The following LNX2 variants were observed in gnomAD, a reference collection of about 807,000 sequenced individuals.
The protein encoded by LNX2 is ligand of numb-protein X 2.
A neutral mutation model predicts 66.2 loss-of-function variants in LNX2; 35 were observed. The observed-to-expected ratio is 0.53, with a 90% confidence interval of 0.40 to 0.70. The LOEUF (loss-of-function observed/expected upper bound fraction) is 0.70. Among genes scored for constraint, LNX2 ranks in the 30% least tolerant of loss-of-function variants. The pLI is 0.00. For missense variants in LNX2, 791 were observed against 850.8 expected (o/e 0.93, Z 0.87); for synonymous variants, 337 against 315.6 (o/e 1.07, Z -0.72).
At chr13:27,594,374 C>T (rs965766323) in intron 1 of LNX2, among the ~76,000 whole-genome samples, 1 of 152,108 alleles carries the variant, frequency 6.6e-6, no homozygotes, top group African/African-American at 2.4e-5. Context: ...AATCACCTCT[C>T]CCAAGCCTCC....
intron 2 of LNX2, among the ~76,000 whole-genome samples, chr13:27,573,102 C>A (rs563598285): frequency 6.6e-6 from 1 of 152,284 alleles, no homozygotes; most frequent in South Asian, 2.1e-4. Flanking sequence ...AAATGGCTGA[C>A]TCTCAGTAAG....
intron 2 of LNX2, among the ~76,000 whole-genome samples, chr13:27,578,173 T>C (rs1955360461): frequency 6.6e-6 from 1 of 152,228 alleles, no homozygotes; most frequent in Non-Finnish European, 1.5e-5. Flanking sequence ...GAAGGTGATC[T>C]TAAATGTGAA....
chr13:27,594,911 G>A (rs1276514875), intron 1 of LNX2, among the ~76,000 whole-genome samples: 1 of 151,968 alleles, frequency 6.6e-6, no homozygotes, highest in Non-Finnish European at 1.5e-5. Context: ...AGGTTTTCCC[G>A]TCTTTTTTCT....
chr13:27,548,527 C>T (rs1427501724), intron 9 of LNX2, 57 bp from the exon 10 acceptor site: 1 of 1,551,996 alleles, frequency 6.4e-7, no homozygotes, highest in Non-Finnish European at 8.8e-7. Context: ...TAAAAATATC[C>T]CAATTGAGAT....
intron 2 of LNX2, 124 bp downstream of exon 2, chr13:27,581,173 T>C (rs1955392440): frequency 1.6e-6 from 1 of 627,630 alleles, no homozygotes; most frequent in Non-Finnish European, 2.6e-6. Flanking sequence ...GTATCTCTTC[T>C]GTACTTGATT....
intron 1 of LNX2, among the ~76,000 whole-genome samples, chr13:27,582,843 T>A (rs1040940471): frequency 2.0e-5 from 3 of 151,990 alleles, no homozygotes; most frequent in Admixed American, 6.5e-5. Context: ...ATACCTAATG[T>A]AACAAACCTG....
intron 2 of LNX2, among the ~76,000 whole-genome samples, chr13:27,575,202 T>TGTTC (rs1955329319): frequency 6.6e-6 from 1 of 152,166 alleles, no homozygotes; most frequent in African/African-American, 2.4e-5. Context: ...GAAAAACATA[T>TGTTC]AAAGCAATAA....
Position 27,583,207 on chromosome 13 carries a change from T to TCCTCTCCAATATAA in LNX2, c.-100-1405_-100-1404insTTATATTGGAGAGG, listed in dbSNP as rs1955425846. Among the ~76,000 whole-genome samples the TCCTCTCCAATATAA allele has an allele frequency of 4.9e-4, 12 of 24,302 alleles. 1 individual carries two copies. Among genetic ancestry groups the TCCTCTCCAATATAA allele is most frequent in the African/African-American group, 1.5e-3 (8 of 5,238 alleles). 15.9% of individuals were successfully genotyped at this position (24,302 alleles called of 152,430 possible). On this transcript the variant is annotated intron_variant, in intron 1 of 9. Coordinates refer to ENST00000316334, the MANE Select transcript of LNX2 (RefSeq NM_153371.4). ...GTGTGTGTGTGTGTGTGTGTGTGTGTGTGTGTGTGTGTGTGTGTGTGTGTG... is the reference window on the plus strand; with the variant it reads ...GTGTGTGTGTGTGTGTGTGTGTGTGTCCTCTCCAATATAAGTGTGTGTGTGTGTGTGTGTGTGTG...
At chr13:27,596,520 T>C (rs887906441) in intron 1 of LNX2, among the ~76,000 whole-genome samples, 13 of 152,186 alleles carry the variant, frequency 8.5e-5, no homozygotes, top group Non-Finnish European at 1.5e-5. Flanking sequence ...ATGTTAAACA[T>C]ACACATACCG....
intron 2 of LNX2, among the ~76,000 whole-genome samples, chr13:27,578,298 T>G (rs1009879062): frequency 2.6e-5 from 4 of 152,244 alleles, no homozygotes; most frequent in African/African-American, 9.6e-5. Flanking sequence ...GCAACTTTTA[T>G]ACAATGACTC....
rs956743918 is a variant in LNX2, at chr13:27,552,388, T to C, written c.1778+820A>G. On this transcript the variant is annotated intron_variant, in intron 8 of 9. Transcript: ENST00000316334. ...ACTATATAAATGCTAGTTGTTGTTA[T>C]AAATGTATCCCACGAGTCAGGTGGC... Among the ~76,000 whole-genome samples, 5 of 152,248 alleles carry C rather than the reference T, an allele frequency of 3.3e-5. No individual in the cohort carries two copies. In the South Asian group the frequency reaches 6.2e-4, roughly 19 times the overall value.
At chr13:27,572,362 A>T (rs923238523) in intron 2 of LNX2, among the ~76,000 whole-genome samples, 2 of 152,178 alleles carry the variant, frequency 1.3e-5, no homozygotes, top group Admixed American at 6.5e-5. Context: ...AAACAAAAAC[A>T]ATAGAACAGA....
chr13:27,556,079 C>G (rs1208930671), intron 7 of LNX2, among the ~76,000 whole-genome samples, 157 bp downstream of exon 7: 2 of 152,042 alleles, frequency 1.3e-5, no homozygotes, highest in African/African-American at 4.8e-5. Context: ...TTTTTCTAAC[C>G]TCATAGAATG....
At chr13:27,595,657 A>G (rs576044075) in intron 1 of LNX2, among the ~76,000 whole-genome samples, 4 of 152,224 alleles carry the variant, frequency 2.6e-5, no homozygotes, top group Non-Finnish European at 5.9e-5. Context: ...AGATTCTATC[A>G]TATCTGTCTC....
At chr13:27,586,248 T>C (rs1955485702) in intron 1 of LNX2, among the ~76,000 whole-genome samples, 1 of 152,116 alleles carries the variant, frequency 6.6e-6, no homozygotes. Flanking sequence ...CAAAGCCATA[T>C]AGCATATAGT....
At chr13:27,560,062 T>C (rs1955112395) in intron 5 of LNX2, 77 bp from the exon 6 acceptor site, 1 of 1,297,436 alleles carries the variant, frequency 7.7e-7, no homozygotes, top group South Asian at 1.8e-5. Flanking sequence ...AGTGTAATTT[T>C]CAATGAACTT....
chr13:27,572,396 T>C (rs1050883070), intron 2 of LNX2, among the ~76,000 whole-genome samples: 14 of 152,118 alleles, frequency 9.2e-5, no homozygotes, highest in African/African-American at 3.1e-4. Flanking sequence ...TCTAATTAGA[T>C]TGAGGTAGGC....
chr13:27,606,671 C>CA (rs1235228903), intron 1 of LNX2, among the ~76,000 whole-genome samples: 1 of 152,026 alleles, frequency 6.6e-6, no homozygotes, highest in Non-Finnish European at 1.5e-5. Flanking sequence ...GAAGGATATA[C>CA]AAAAAAACTA....
rs377586950 is a variant in LNX2 at position 27,562,295 on chromosome 13, G to A, written c.1224+118C>T. 1.1e-4 allele frequency: 138 copies of A among 1,289,782 alleles called. No homozygotes were observed. The African/African-American group carries it at 1.5e-3, about 14-fold the overall frequency. 79.9% of individuals were successfully genotyped at this position (1,289,782 alleles called of 1,614,324 possible). ...TTAAAGAATTCAGGTAGCCACACCC[G>A]ATTTTCTAATGAAATATAAAATGTC... is the stretch of plus-strand genomic sequence containing the variant. On this transcript the variant is annotated intron_variant, in intron 5 of 9. Coordinates refer to ENST00000316334, the MANE Select transcript of LNX2 (RefSeq NM_153371.4).
Sources: gnomAD v4.1 joint callset for allele counts (sites outside exome capture counted in the v4.1 genomes callset) on GRCh38, gnomAD v4.1.1 for gene constraint, MANE v1.5 for transcripts, NCBI Gene and HGNC (gene_info 2026-07-23, HGNC 2026-07-21) for gene names.